Variants in SH3BP4 observed in about 807,000 individuals in gnomAD.
SH3BP4 encodes SH3 domain binding protein 4.
Under a neutral mutation model 65.5 loss-of-function variants are expected in SH3BP4, and 33 were observed. The observed-to-expected ratio is 0.50, with a 90% confidence interval of 0.38 to 0.67. SH3BP4 has a LOEUF of 0.67. Among genes scored for constraint, SH3BP4 ranks in the 30% least tolerant of loss-of-function variants. SH3BP4 has a pLI of 0.00. For synonymous variants in SH3BP4, 552 were observed against 545.5 expected, an observed-to-expected ratio of 1.01 and a Z score of -0.17; for missense variants, 1,134 against 1,261.4, an observed-to-expected ratio of 0.90 and a Z score of 1.53.
Position 235,042,231 on chromosome 2 carries a change from T to G in SH3BP4, c.1462T>G (p.Phe488Val). Residue 488 changes from phenylalanine (F) to valine (V), a missense_variant, in exon 4 of 6, where the codon TTC becomes GTC. Transcript: ENST00000392011. The surrounding 1 kb of genome is among the most constrained non-coding windows in gnomAD (Gnocchi z 7.3). ...LYGPKHIHPS[F>V]KTVVTIFGHD... ...CGGCCCTAAACACATCCACCCATCC[T>G]TCAAGACGGTAGTGACCATTTTTGG... 6.2e-7 allele frequency: 1 copy of G among 1,614,070 alleles called. No individual in the cohort carries two copies. Among genetic ancestry groups the G allele is most frequent in the Non-Finnish European group, 8.5e-7 (1 of 1,180,016 alleles).
Position 234,977,162 on chromosome 2 carries a change from G to A in SH3BP4, c.-206-18141G>A, listed in dbSNP as rs1032436946. Among the ~76,000 whole-genome samples the A allele has an allele frequency of 2.0e-5, 3 of 152,220 alleles. No homozygotes were observed. Among genetic ancestry groups the A allele is most frequent in the Admixed American group, 6.5e-5 (1 of 15,286 alleles). ...ATAGGTAAGAGTGGTTAGGAAGGCTGGTTGGAGGCTGGGGTTCCAGGCCTG... is the reference window on the plus strand; with the variant it reads ...ATAGGTAAGAGTGGTTAGGAAGGCTAGTTGGAGGCTGGGGTTCCAGGCCTG... On this transcript the variant is annotated intron_variant, in intron 1 of 5. Transcript: ENST00000392011. The surrounding 1 kb of genome is among the most constrained non-coding windows in gnomAD (Gnocchi z 5.1).
At chr2:234,961,529 C>A (rs1371598274) in intron 1 of SH3BP4, among the ~76,000 whole-genome samples, 2 of 152,180 alleles carry the variant, frequency 1.3e-5, no homozygotes, top group Non-Finnish European at 2.9e-5. Flanking sequence ...GCCTCAGCCT[C>A]CCCGGGTGCT....
rs1470894700 is a variant in SH3BP4, at chr2:235,054,296, C to CGTTCGGTTGTTA, written c.*491_*492insAGTTCGGTTGTT. On this transcript the variant is annotated 3_prime_UTR_variant, in exon 6 of 6. Coordinates refer to ENST00000392011, the MANE Select transcript of SH3BP4 (RefSeq NM_014521.3). ...TCAACACTCAGCCCGGAAAGATGCT[C>CGTTCGGTTGTTA]GTTCGGTTGTTGGACCTCTTTCACT... 6.4e-6 allele frequency: 1 copy of CGTTCGGTTGTTA among 155,528 alleles called. No individual in the cohort carries two copies. Among genetic ancestry groups the CGTTCGGTTGTTA allele is most frequent in the Non-Finnish European group, 1.4e-5 (1 of 69,966 alleles). The allele number at this position is 155,528 out of a possible 1,614,324, so 9.6% of individuals were successfully genotyped here. A position where few individuals can be genotyped will look rare whatever the true frequency, so the allele number is the denominator to read the frequency against.
intron 3 of SH3BP4, among the ~76,000 whole-genome samples, chr2:235,038,389 A>T (rs1237644585): frequency 0.012 from 212 of 16,968 alleles, 13 homozygotes; most frequent in African/African-American, 0.049. Flanking sequence ...ATATATATAT[A>T]TATATATATA....
At chr2:235,013,666 C>G (rs1420429241) in intron 2 of SH3BP4, among the ~76,000 whole-genome samples, 1 of 152,184 alleles carries the variant, frequency 6.6e-6, no homozygotes, top group Non-Finnish European at 1.5e-5. Context: ...GCAGTCGCTT[C>G]CAGGGTCTCC....
In SH3BP4 at chr2:235,052,567, A is replaced by C. The variant is rs1306707311; in HGVS notation, c.2484A>C (p.Leu828=). 1.9e-6 allele frequency: 3 copies of C among 1,547,904 alleles called. No homozygotes were observed. Among genetic ancestry groups the C allele is most frequent in the Non-Finnish European group, 2.6e-6 (3 of 1,144,976 alleles). The change falls in exon 5 of 6, where the codon CTA becomes CTC. Residue 828 remains leucine, a synonymous_variant. Coordinates refer to ENST00000392011, the MANE Select transcript of SH3BP4 (RefSeq NM_014521.3). The surrounding 1 kb of genome is among the most constrained non-coding windows in gnomAD (Gnocchi z 5.0). The stretch of plus-strand genomic sequence containing the variant: ...GTGTGCCTCTTCCTCTGCAGGCCCT[A>C]CTGAAGATGGACTGCCAGGGCCTGG... ...KSFQKELVMA[L]LKMDCQGLVV...
intron 1 of SH3BP4, among the ~76,000 whole-genome samples, chr2:234,972,177 G>A (rs1304608831): frequency 6.7e-6 from 1 of 150,142 alleles, no homozygotes; most frequent in East Asian, 2.0e-4. Flanking sequence ...TGTCGCCCAG[G>A]CTGGAGGGCA....
At position 234,978,645 on chromosome 2, in the gene SH3BP4, C is replaced by G. The variant is rs889304438; in HGVS notation, c.-206-16658C>G. ...GAGCCAAACAGGATGTGGTTCTGGG[C>G]GACTCCCAACTTCCAGCAAATCCGT... On this transcript the variant is annotated intron_variant, in intron 1 of 5. Coordinates refer to ENST00000392011, the MANE Select transcript of SH3BP4 (RefSeq NM_014521.3). This position sits in a 1 kb window ranked among gnomAD's most constrained non-coding sequence, Gnocchi z 4.1. 1 of 152,168 alleles carries G rather than the reference C, an allele frequency of 6.6e-6. No homozygotes were observed. Among genetic ancestry groups the G allele is most frequent in the African/African-American group, 2.4e-5 (1 of 41,414 alleles). 9.4% of individuals were successfully genotyped at this position (152,168 alleles called of 1,614,324 possible). A position where few individuals can be genotyped will look rare whatever the true frequency, so the allele number is the denominator to read the frequency against.
intron 4 of SH3BP4, among the ~76,000 whole-genome samples, chr2:235,049,372 A>G (rs1239433885): frequency 6.6e-6 from 1 of 152,208 alleles, no homozygotes; most frequent in Non-Finnish European, 1.5e-5. Flanking sequence ...CTAGAAAATG[A>G]GGCCACTTTG....
intron 3 of SH3BP4, among the ~76,000 whole-genome samples, chr2:235,038,312 T>TAATATATAGTATATATAC (rs1491342675): frequency 9.7e-5 from 1 of 10,262 alleles, no homozygotes; most frequent in African/African-American, 5.2e-4. Context: ...TATATATATA[T>TAATATATAGTATATATAC]TATATATTAT....
intron 1 of SH3BP4, among the ~76,000 whole-genome samples, chr2:234,981,299 G>T (rs1291003268): frequency 6.6e-6 from 1 of 152,180 alleles, no homozygotes; most frequent in Non-Finnish European, 1.5e-5. Flanking sequence ...CCTTCCTGAG[G>T]TGGAGACTGC....
At chr2:235,009,872 G>A (rs555363138) in intron 2 of SH3BP4, among the ~76,000 whole-genome samples, 7 of 152,122 alleles carry the variant, frequency 4.6e-5, no homozygotes, top group Non-Finnish European at 8.8e-5. Flanking sequence ...GCGTCTTTGT[G>A]GTTTCCGCTC....
chr2:235,015,350 T>C (rs922685916), intron 2 of SH3BP4, among the ~76,000 whole-genome samples: 2 of 152,194 alleles, frequency 1.3e-5, no homozygotes, highest in Non-Finnish European at 2.9e-5. Context: ...GATGAACCTC[T>C]GCAGAAGGCT....
At chr2:234,993,825 A>G (rs1449394594) in intron 1 of SH3BP4, among the ~76,000 whole-genome samples, 1 of 152,314 alleles carries the variant, frequency 6.6e-6, no homozygotes, top group Non-Finnish European at 1.5e-5. Context: ...TCTGCCGAGA[A>G]TGGGGCCGCC....
rs980469136 is a variant in SH3BP4, at chr2:235,042,941, G to A, written c.2172G>A (p.Arg724=). Residue 724 remains arginine, a synonymous_variant, in exon 4 of 6, where the codon AGG becomes AGA. Coordinates refer to ENST00000392011, the MANE Select transcript of SH3BP4 (RefSeq NM_014521.3). The surrounding 1 kb of genome is among the most constrained non-coding windows in gnomAD (Gnocchi z 7.3). ...VHTKNVLVVG[R]ARPSLCSGPE... is the part of the protein sequence containing the mutation. ...CCAAGAACGTGCTGGTGGTCGGCAGGGCCCGGCCCAGCCTGTGCTCGGGCC... is the reference window on the plus strand; with the variant it reads ...CCAAGAACGTGCTGGTGGTCGGCAGAGCCCGGCCCAGCCTGTGCTCGGGCC... 4 of 1,613,074 alleles carry A rather than the reference G, an allele frequency of 2.5e-6. No homozygotes were observed. The highest frequency in any genetic ancestry group is 3.4e-6 in the Non-Finnish European group (4 of 1,179,822).
rs1383476948 is a variant in SH3BP4, at chr2:234,978,752, G to A, written c.-206-16551G>A. 1.3e-5 allele frequency: 2 copies of A among 152,212 alleles called. No individual in the cohort carries two copies. Among genetic ancestry groups the A allele is most frequent in the South Asian group, 2.1e-4 (1 of 4,826 alleles). 9.4% of individuals were successfully genotyped at this position (152,212 alleles called of 1,614,324 possible). A position where few individuals can be genotyped will look rare whatever the true frequency, so the allele number is the denominator to read the frequency against. On this transcript the variant is annotated intron_variant, in intron 1 of 5. Transcript: ENST00000392011. The surrounding 1 kb of genome is among the most constrained non-coding windows in gnomAD (Gnocchi z 4.1). ...GTAGGGTGCTTCGAGGTCCTGGAGG[G>A]GAGCCCTGGCCCTGTGGAGAGAGAC...
In SH3BP4 at chr2:235,033,418, A is replaced by G. The variant is rs1194310106; in HGVS notation, c.-132-1453A>G. ...ACTACTCCCCACTGCCCCACCTGCC[A>G]GTGCCATCACATTAGGGGACAGACC... On this transcript the variant is annotated intron_variant, in intron 2 of 5. Coordinates refer to ENST00000392011, the MANE Select transcript of SH3BP4 (RefSeq NM_014521.3). This position sits in a 1 kb window ranked among gnomAD's most constrained non-coding sequence, Gnocchi z 5.7. Among the ~76,000 whole-genome samples the G allele has an allele frequency of 6.6e-6, 1 of 152,224 alleles. No individual in the cohort carries two copies. The highest frequency in any genetic ancestry group is 6.5e-5 in the Admixed American group (1 of 15,288).
At chr2:235,007,048 T>C (rs988044854) in intron 2 of SH3BP4, among the ~76,000 whole-genome samples, 1 of 152,010 alleles carries the variant, frequency 6.6e-6, no homozygotes, top group African/African-American at 2.4e-5. Context: ...GGGTAAAGGA[T>C]GTCATCTTCC....
intron 1 of SH3BP4, among the ~76,000 whole-genome samples, chr2:234,960,093 CAT>C (rs1692672678): frequency 2.0e-5 from 3 of 152,206 alleles, no homozygotes; most frequent in Admixed American, 2.0e-4. Context: ...GTGTCCTGTG[CAT>C]AAATGGGAAA....
Sources: gnomAD v4.1 joint callset for allele counts (sites outside exome capture counted in the v4.1 genomes callset) on GRCh38, gnomAD v4.1.1 for gene constraint, Gnocchi (gnomAD v3.1) non-coding constraint, MANE v1.5 for transcripts, NCBI Gene and HGNC (gene_info 2026-07-23, HGNC 2026-07-21) for gene names.